The following TNS3 variants were observed in gnomAD, a reference collection of about 807,000 sequenced individuals.
TNS3 encodes the protein tensin 3.
A neutral mutation model predicts 140.9 loss-of-function variants in TNS3; 45 were observed. The ratio of observed to expected loss-of-function variants is 0.32; its 90% CI spans 0.25 to 0.41. TNS3 has a LOEUF of 0.41. TNS3 is among the 10% of genes least tolerant of loss of function. The pLI, the probability that TNS3 is intolerant of heterozygous loss-of-function variation, is 1.00. For missense variants in TNS3, 1,716 were observed against 1,906.7 expected, an observed-to-expected ratio of 0.90 and a Z score of 1.86; for synonymous variants, 815 against 788.4, an observed-to-expected ratio of 1.03 and a Z score of -0.56.
At chr7:47,469,140 A>C (rs576841505) in intron 4 of TNS3, among the ~76,000 whole-genome samples, 1 of 152,254 alleles carries the variant, frequency 6.6e-6, no homozygotes, top group Non-Finnish European at 1.5e-5. Flanking sequence ...AAAATCCTGA[A>C]GAAAACCTAA....
At chr7:47,401,015 C>T in intron 13 of TNS3, 101 bp from the exon 14 acceptor site, 1 of 1,512,638 alleles carries the variant, frequency 6.6e-7, no homozygotes, top group Non-Finnish European at 9.0e-7. Flanking sequence ...AGGGCCTCCC[C>T]TCTGGACTCT....
intron 16 of TNS3, among the ~76,000 whole-genome samples, chr7:47,384,416 C>T (rs1403704486): frequency 1.3e-5 from 2 of 152,262 alleles, no homozygotes; most frequent in Non-Finnish European, 2.9e-5. Context: ...CCCCTCACTT[C>T]CCAGCCCATC....
At chr7:47,318,403 A>G (rs1413437550) in intron 20 of TNS3, among the ~76,000 whole-genome samples, 1 of 152,132 alleles carries the variant, frequency 6.6e-6, no homozygotes, top group Non-Finnish European at 1.5e-5. Context: ...TTGTTCCTTT[A>G]GCCAGTTTGA....
At chr7:47,380,243 C>G (rs1337782633) in intron 16 of TNS3, among the ~76,000 whole-genome samples, 1 of 152,246 alleles carries the variant, frequency 6.6e-6, no homozygotes, top group Non-Finnish European at 1.5e-5. Context: ...CCTCTCACAC[C>G]AGCACGCCGG....
chr7:47,552,150 C>T (rs1308090883), intron 1 of TNS3, among the ~76,000 whole-genome samples: 7 of 151,960 alleles, frequency 4.6e-5, no homozygotes, highest in Admixed American at 3.9e-4. Context: ...GCTATTTTGG[C>T]TGCAAGATAG....
intron 3 of TNS3, among the ~76,000 whole-genome samples, chr7:47,487,357 G>A (rs754587768): frequency 4.6e-5 from 7 of 151,196 alleles, no homozygotes; most frequent in East Asian, 1.9e-4. Flanking sequence ...TTACACACCC[G>A]GCAGCTACAG....
chr7:47,521,947 C>A (rs1235857823), intron 2 of TNS3, among the ~76,000 whole-genome samples: 1 of 152,144 alleles, frequency 6.6e-6, no homozygotes, highest in Non-Finnish European at 1.5e-5. Context: ...AAGGGCCAGA[C>A]CCAGGGAAGC....
Position 47,395,199 on chromosome 7 carries a change from T to C in TNS3, c.1024+1601A>G, listed in dbSNP as rs1341601490. Among the ~76,000 whole-genome samples, 5 of 149,558 alleles carry C rather than the reference T, an allele frequency of 3.3e-5. No individual in the cohort carries two copies. In the East Asian group the frequency reaches 9.6e-4, roughly 29 times the overall value. ...CCATGAGACTCGGCACAGCCACTGATTCATCACCTCAGGACAGAGCGCTGC... is the reference window on the plus strand; with the variant it reads ...CCATGAGACTCGGCACAGCCACTGACTCATCACCTCAGGACAGAGCGCTGC... On this transcript the variant is annotated intron_variant, in intron 16 of 30. Coordinates refer to ENST00000311160, the MANE Select transcript of TNS3 (RefSeq NM_022748.12).
In TNS3 at chr7:47,424,187, GA is replaced by G; in HGVS notation, c.390-4del. ...ACCTGTCAAGGGCCTGGTCGGCGCT[GA>G]AGGGGAGAGAGAGAGAAAGAGAGTT... On this transcript the variant is annotated splice_region_variant and splice_polypyrimidine_tract_variant and intron_variant, in intron 9 of 30. Coordinates refer to ENST00000311160, the MANE Select transcript of TNS3 (RefSeq NM_022748.12). 1 of 1,613,988 alleles carries G rather than the reference GA, an allele frequency of 6.2e-7. No homozygotes were observed. The highest frequency in any genetic ancestry group is 1.1e-5 in the South Asian group (1 of 91,072).
intron 1 of TNS3, among the ~76,000 whole-genome samples, chr7:47,563,159 C>T (rs150054790): frequency 2.8e-4 from 42 of 152,334 alleles, no homozygotes; most frequent in Non-Finnish European, 5.1e-4. Context: ...ATGGAGTGGT[C>T]ACAGCCAGGA....
intron 20 of TNS3, among the ~76,000 whole-genome samples, chr7:47,309,355 A>G (rs538632741): frequency 1.3e-5 from 2 of 152,312 alleles, no homozygotes; most frequent in South Asian, 4.1e-4. Context: ...AACTCTATAA[A>G]TTAATATCCC....
intron 20 of TNS3, among the ~76,000 whole-genome samples, chr7:47,313,134 T>A (rs1220115811): frequency 2.0e-5 from 3 of 152,132 alleles, no homozygotes; most frequent in Admixed American, 2.0e-4. Flanking sequence ...GGGAGCTTCA[T>A]CTGAAGGCTT....
chr7:47,399,142 G>A (rs1047759173), intron 15 of TNS3, among the ~76,000 whole-genome samples: 1 of 148,388 alleles, frequency 6.7e-6, no homozygotes, highest in South Asian at 2.1e-4. Flanking sequence ...TCCATACGAG[G>A]AGAACTACAA....
rs749403157 is a variant in TNS3, at chr7:47,368,707, C to T, written c.1939G>A (p.Val647Ile). 1.9e-6 allele frequency: 3 copies of T among 1,583,228 alleles called. No homozygotes were observed. The highest frequency in any genetic ancestry group is 2.6e-6 in the Non-Finnish European group (3 of 1,164,868). The change falls in exon 17 of 31, where the codon GTA becomes ATA. Residue 647 changes from valine to isoleucine, a missense_variant. Coordinates refer to ENST00000311160, the MANE Select transcript of TNS3 (RefSeq NM_022748.12). The part of the protein sequence containing the change: ...TSSRVAVQRG[V>I]GSGPHPPDTQ... ...TCAGGGGGATGTGGCCCACTGCCTA[C>T]ACCCCTCTGGACAGCCACCCTACTG... is the stretch of plus-strand genomic sequence containing the variant.
chr7:47,560,928 A>T (rs943746260), intron 1 of TNS3, among the ~76,000 whole-genome samples: 5 of 152,210 alleles, frequency 3.3e-5, no homozygotes, highest in African/African-American at 1.2e-4. Context: ...CCCATACACA[A>T]CTGCCAGACC....
intron 8 of TNS3, among the ~76,000 whole-genome samples, chr7:47,431,496 G>A (rs1562732819): frequency 6.6e-6 from 1 of 152,156 alleles, no homozygotes; most frequent in Non-Finnish European, 1.5e-5. Context: ...GGGAGGCTGA[G>A]GCAGGAGAAT....
chr7:47,432,869 G>A (rs983001541), intron 8 of TNS3, among the ~76,000 whole-genome samples: 2 of 152,200 alleles, frequency 1.3e-5, no homozygotes, highest in Non-Finnish European at 1.5e-5. Context: ...GGACTGTTAC[G>A]TTTTAGTGCA....
At chr7:47,491,312 G>C (rs1797807013) in intron 3 of TNS3, among the ~76,000 whole-genome samples, 2 of 152,226 alleles carry the variant, frequency 1.3e-5, no homozygotes, top group African/African-American at 4.8e-5. Flanking sequence ...AACCGAAAAA[G>C]CTCTGTCTTT....
intron 1 of TNS3, among the ~76,000 whole-genome samples, chr7:47,547,492 T>G (rs1799952811): frequency 6.6e-6 from 1 of 151,994 alleles, no homozygotes; most frequent in Admixed American, 6.6e-5. Flanking sequence ...TCAATGGGGT[T>G]CCGGGAGCTG....
Sources: gnomAD v4.1 joint callset for allele counts (sites outside exome capture counted in the v4.1 genomes callset) on GRCh38, gnomAD v4.1.1 for gene constraint, MANE v1.5 for transcripts, NCBI Gene and HGNC (gene_info 2026-07-23, HGNC 2026-07-21) for gene names.